USP42: variants seen among roughly 807,000 people sequenced by gnomAD.
USP42 encodes the protein ubiquitin carboxyl-terminal hydrolase 42.
In USP42, 23 loss-of-function variants were observed where a neutral mutation model predicts 113.0. That is an observed-to-expected ratio of 0.20 (90% CI 0.15 to 0.29). The LOEUF is 0.29. USP42 is among the 10% of genes least tolerant of loss of function. The pLI is 1.00. For synonymous variants in USP42, 933 were observed against 699.0 expected (o/e 1.33, Z -5.28); for missense variants, 2,174 against 1,779.8 (o/e 1.22, Z -3.99).
chr7:6,154,914 C>G lies in USP42; in HGVS notation c.3360C>G (p.Gly1120=), dbSNP rs1782345583. The G allele has an allele frequency of 6.5e-7, 1 of 1,548,188 alleles. No individual in the cohort carries two copies. The highest frequency in any genetic ancestry group is 8.7e-7 in the Non-Finnish European group (1 of 1,145,586). ...ACCGCCCCAGCAGCCCCCGCGCAGGCGCGCCCCACGCCCTCGCCCCGCACC... is the reference window on the plus strand; with the variant it reads ...ACCGCCCCAGCAGCCCCCGCGCAGGGGCGCCCCACGCCCTCGCCCCGCACC... The part of the protein sequence containing the change: ...ERHRPSSPRA[G]APHALAPHPD... Residue 1120 remains glycine (G), a synonymous_variant, in exon 15 of 18, where the codon GGC becomes GGG. Transcript: ENST00000306177.
chr7:6,147,431 A>G (rs549225762), intron 11 of USP42, among the ~76,000 whole-genome samples: 1 of 152,164 alleles, frequency 6.6e-6, no homozygotes, highest in South Asian at 2.1e-4. Context: ...GCGACGCAGC[A>G]AGACCCTGTC....
In USP42 at chr7:6,154,859, G is replaced by A. The variant is rs1782338484; in HGVS notation, c.3305G>A (p.Gly1102Asp). ...AAGGACCACAACCGGGGCCGTAGGG[G>A]CTGCGAGCCGGCCCGGGAGAGGGAG... is the stretch of plus-strand genomic sequence containing the variant. ...PHKDHNRGRR[G>D]CEPARERERH... The change falls in exon 15 of 18, where the codon GGC becomes GAC. Residue 1102 changes from glycine (G) to aspartate (D), a missense_variant. Gly to Asp is a moderately conservative substitution (Grantham distance 94). Coordinates refer to ENST00000306177, the MANE Select transcript of USP42 (RefSeq NM_032172.3). 6.5e-7 allele frequency: 1 copy of A among 1,528,038 alleles called. No individual in the cohort carries two copies. The highest frequency in any genetic ancestry group is 8.8e-7 in the Non-Finnish European group (1 of 1,135,706). The allele number at this position is 1,528,038 out of a possible 1,614,324, so 94.7% of individuals were successfully genotyped here.
chr7:6,148,195 G>A (rs1426665217), intron 12 of USP42, among the ~76,000 whole-genome samples: 4 of 152,104 alleles, frequency 2.6e-5, no homozygotes, highest in South Asian at 2.1e-4. Context: ...AGTATCAGCC[G>A]GGTATGGTGG....
At chr7:6,121,788 C>T (rs1408883195) in intron 3 of USP42, among the ~76,000 whole-genome samples, 1 of 152,178 alleles carries the variant, frequency 6.6e-6, no homozygotes, top group African/African-American at 2.4e-5. Flanking sequence ...CCTCAGCTTC[C>T]TGAGTAGCTA....
chr7:6,099,449 C>A, the USP42 span, among the ~76,000 whole-genome samples: 1 of 149,580 alleles, frequency 6.7e-6, no homozygotes, highest in Non-Finnish European at 1.5e-5. Context: ...CTCCTGACCT[C>A]ATGATCTGCC....
rs1322717906 is a variant in USP42, at chr7:6,154,313, C to G, written c.2759C>G (p.Pro920Arg). The G allele has an allele frequency of 6.3e-7, 1 of 1,580,826 alleles. No homozygotes were observed. Reference sequence around the variant, plus strand: ...CCGGAAGGGGACGCTGAGCCTAGCCCCGGCGAGAGGGTCGAGGACGCCGCG... The same window carrying G: ...CCGGAAGGGGACGCTGAGCCTAGCCGCGGCGAGAGGGTCGAGGACGCCGCG... ...GHPEGDAEPS[P>R]GERVEDAAAP... The change falls in exon 15 of 18, where the codon CCC becomes CGC. Residue 920 changes from proline (P) to arginine (R), a missense_variant. Transcript: ENST00000306177.
At chr7:6,143,169 G>A (rs1168558855) in intron 8 of USP42, among the ~76,000 whole-genome samples, 155 bp downstream of exon 8, 4 of 152,134 alleles carry the variant, frequency 2.6e-5, no homozygotes. Flanking sequence ...GCGAGAGCCC[G>A]GAGTGTCTTG....
Position 6,139,151 on chromosome 7 carries a change from A to G in USP42, c.613A>G (p.Thr205Ala), listed in dbSNP as rs1429091345. 2 of 1,610,262 alleles carry G rather than the reference A, an allele frequency of 1.2e-6. No individual in the cohort carries two copies. Among genetic ancestry groups the G allele is most frequent in the South Asian group, 1.1e-5 (1 of 90,000 alleles). The change falls in exon 5 of 18, where the codon ACT becomes GCT. Residue 205 changes from threonine to alanine, a missense_variant. Thr to Ala is a moderately conservative substitution (Grantham distance 58). Coordinates refer to ENST00000306177, the MANE Select transcript of USP42 (RefSeq NM_032172.3). This position sits in a 1 kb window ranked among gnomAD's most constrained non-coding sequence, Gnocchi z 4.5. Reference sequence around the variant, plus strand: ...AGATGCCCATGAATTCCTTCAATACACTGTTGATGCTATGCAGAAAGCATG... The same window carrying G: ...AGATGCCCATGAATTCCTTCAATACGCTGTTGATGCTATGCAGAAAGCATG... ...QEDAHEFLQYTVDAMQKACLN... is the reference protein window; with the variant it reads ...QEDAHEFLQYAVDAMQKACLN...
chr7:6,150,196 G>C lies in USP42; in HGVS notation c.2000G>C (p.Ser667Thr). Residue 667 changes from serine (S) to threonine (T), a missense_variant, in exon 13 of 18, where the codon AGT (serine) becomes ACT (threonine). By Grantham distance (58) the Ser-to-Thr change is moderately conservative (BLOSUM62 1). Transcript: ENST00000306177. ...LNGANSADSD[S>T]DPKENGLAPD... The stretch of plus-strand genomic sequence containing the variant: ...GGTGCTAATAGTGCAGACAGCGACA[G>C]TGACCCGAAAGAAAACGGCCTAGCG... 6.2e-7 allele frequency: 1 copy of C among 1,613,928 alleles called. No homozygotes were observed. The highest frequency in any genetic ancestry group is 1.1e-5 in the South Asian group (1 of 91,090).
chr7:6,137,720 C>T (rs1781223144), intron 4 of USP42, among the ~76,000 whole-genome samples: 2 of 152,138 alleles, frequency 1.3e-5, no homozygotes, highest in South Asian at 2.1e-4. Flanking sequence ...CACTCTGTCG[C>T]CTAGGCTGGA....
chr7:6,082,428 C>CAGACCTT, the USP42 span, among the ~76,000 whole-genome samples: 7 of 150,596 alleles, frequency 4.6e-5, no homozygotes, highest in African/African-American at 1.7e-4. Context: ...GCGCCCGGCC[C>CAGACCTT]GGGTGGGTAT....
the USP42 span, among the ~76,000 whole-genome samples, chr7:6,097,267 T>C: frequency 1.9e-4 from 28 of 151,144 alleles, 2 homozygotes; most frequent in African/African-American, 6.4e-4. Context: ...GGCCTTGTGA[T>C]GGAATGTCAC....
At chr7:6,135,512 C>A (rs1489919202) in intron 3 of USP42, among the ~76,000 whole-genome samples, 3 of 151,578 alleles carry the variant, frequency 2.0e-5, no homozygotes, top group African/African-American at 7.3e-5. Flanking sequence ...ATTAGCCAGG[C>A]ATGGTGGCGC....
chr7:6,110,879 C>G (rs1476344507), intron 1 of USP42, among the ~76,000 whole-genome samples: 1 of 152,128 alleles, frequency 6.6e-6, no homozygotes, highest in Non-Finnish European at 1.5e-5. Context: ...ATGAGAAGTT[C>G]TTTTAATCAA....
Position 6,111,250 on chromosome 7 carries a change from T to G in USP42, c.117T>G (p.Gly39=), listed in dbSNP as rs1583575803. 5 of 1,608,296 alleles carry G rather than the reference T, an allele frequency of 3.1e-6. No homozygotes were observed. Among genetic ancestry groups the G allele is most frequent in the Non-Finnish European group, 4.2e-6 (5 of 1,177,114 alleles). ...TGGATGCAGGTTCTGCCAGCTGGGGTGCTGTGTCTTCATTGAATGATGTGT... is the reference window on the plus strand; with the variant it reads ...TGGATGCAGGTTCTGCCAGCTGGGGGGCTGTGTCTTCATTGAATGATGTGT... ...GDMDAGSASW[G]AVSSLNDVSN... Residue 39 remains glycine, a synonymous_variant, in exon 2 of 18, where the codon GGT becomes GGG. Coordinates refer to ENST00000306177, the MANE Select transcript of USP42 (RefSeq NM_032172.3).
chr7:6,092,070 T>C, the USP42 span, among the ~76,000 whole-genome samples: 2,093 of 58,944 alleles, frequency 0.036, 74 homozygotes, highest in Middle Eastern at 0.049. Flanking sequence ...CTTCTTCTTC[T>C]TCTTCCTCTT....
intron 7 of USP42, among the ~76,000 whole-genome samples, chr7:6,142,133 C>T (rs1022350537): frequency 2.6e-5 from 4 of 152,012 alleles, no homozygotes; most frequent in Middle Eastern, 3.2e-3. Flanking sequence ...TAATTCTGCT[C>T]ATTTTTAAAT....
At chr7:6,105,804 GTTT>G (rs1562795099) in intron 1 of USP42, among the ~76,000 whole-genome samples, 1 of 152,330 alleles carries the variant, frequency 6.6e-6, no homozygotes, top group East Asian at 1.9e-4. Flanking sequence ...GACGGAACAA[GTTT>G]TCCCATCTAG....
intron 3 of USP42, among the ~76,000 whole-genome samples, chr7:6,128,814 C>T (rs10245357): frequency 0.18 from 26,829 of 151,044 alleles, 3,942 homozygotes; most frequent in East Asian, 0.71. Flanking sequence ...TTACTTGAGT[C>T]TTTCTTTCTT....
Sources: allele counts gnomAD v4.1 joint callset (sites outside exome capture counted in the v4.1 genomes callset), GRCh38; gene constraint gnomAD v4.1.1; non-coding constraint Gnocchi (gnomAD v3.1); transcripts MANE v1.5; gene names NCBI Gene and HGNC (gene_info 2026-07-23, HGNC 2026-07-21).